The following SLC4A7 variants were observed in gnomAD, a reference collection of about 807,000 sequenced individuals.
SLC4A7 encodes sodium bicarbonate cotransporter 3.
A neutral mutation model predicts 137.6 loss-of-function variants in SLC4A7; 51 were observed. The ratio of observed to expected loss-of-function variants is 0.37; its 90% CI spans 0.30 to 0.47. The LOEUF (loss-of-function observed/expected upper bound fraction) is 0.47. Ranked by LOEUF, SLC4A7 falls within the 20% of genes least tolerant of loss-of-function variation. The probability of loss-of-function intolerance (pLI) is 1.00; values close to 1 mark genes in which losing one functional copy is unlikely to be tolerated. For synonymous variants in SLC4A7, 542 were observed against 518.6 expected (o/e 1.05, Z -0.61); for missense variants, 1,247 against 1,525.4 (o/e 0.82, Z 3.04).
At chr3:27,466,279 G>A (rs1368092701) in intron 1 of SLC4A7, among the ~76,000 whole-genome samples, 5 of 151,042 alleles carry the variant, frequency 3.3e-5, no homozygotes, top group Admixed American at 6.6e-5. Context: ...GTGAAACCCC[G>A]TCTCTACTAA....
At chr3:27,445,950 AAAAAAAAAAAAAAATATATATATAT>A (rs2057572509) in intron 3 of SLC4A7, among the ~76,000 whole-genome samples, 1 of 30,778 alleles carries the variant, frequency 3.2e-5, no homozygotes, top group Non-Finnish European at 7.0e-5. Context: ...AAAAAAAAAA[AAAAAAAAAAAAAAATATATATATAT>A]ATATATATAT....
intron 25 of SLC4A7, 63 bp downstream of exon 25, chr3:27,379,186 G>T: frequency 1.3e-6 from 1 of 776,322 alleles, no homozygotes; most frequent in Non-Finnish European, 2.2e-6. Flanking sequence ...AGAAAGGAAT[G>T]AAGCTATCAT....
chr3:27,398,205 T>C lies in SLC4A7; in HGVS notation c.2576A>G (p.Tyr859Cys), dbSNP rs186230162. Residue 859 changes from tyrosine to cysteine, a missense_variant, in exon 17 of 26, where the codon TAC becomes TGC. Transcript: ENST00000454389. Reference protein sequence around the residue: ...SFLKQFKTKRYFPTKVRSTIS... With the variant: ...SFLKQFKTKRCFPTKVRSTIS... ...TATCACAGTTACCTTGGTAGGAAAGTAACGCTTGGTCTTAAATTGCTTGAG... is the reference window on the plus strand; with the variant it reads ...TATCACAGTTACCTTGGTAGGAAAGCAACGCTTGGTCTTAAATTGCTTGAG... 1.9e-6 allele frequency: 3 copies of C among 1,609,122 alleles called. No homozygotes were observed. The East Asian group carries it at 6.7e-5, about 36-fold the overall frequency.
At chr3:27,405,342 A>G (rs1352688175) in intron 13 of SLC4A7, among the ~76,000 whole-genome samples, 1 of 151,868 alleles carries the variant, frequency 6.6e-6, no homozygotes, top group Admixed American at 6.6e-5. Context: ...GTATAATCCT[A>G]AAAAAAATCC....
chr3:27,445,959 A>G, intron 3 of SLC4A7, among the ~76,000 whole-genome samples: 1 of 21,784 alleles, frequency 4.6e-5, no homozygotes, highest in South Asian at 2.1e-3. Flanking sequence ...AAAAAAAAAA[A>G]AAAAATATAT....
chr3:27,466,158 A>T (rs2058983949), intron 1 of SLC4A7, among the ~76,000 whole-genome samples: 3 of 151,792 alleles, frequency 2.0e-5, no homozygotes, highest in Admixed American at 6.6e-5. Flanking sequence ...ATGACAGAAA[A>T]GGGGGTACAT....
rs181418321 is a variant in SLC4A7 at position 27,392,643 on chromosome 3, T to C, written c.3118-835A>G. 3.9e-3 allele frequency among the ~76,000 whole-genome samples: 591 copies of C among 152,074 alleles called. 6 individuals carry two copies. Among genetic ancestry groups the C allele is most frequent in the African/African-American group, 0.014 (573 of 41,490 alleles). ...AAGTTCGAGACCAACCTGGCTAACA[T>C]AGCGAAACCATCATCTCTACCAAAA... is the stretch of plus-strand genomic sequence containing the variant. On this transcript the variant is annotated intron_variant, in intron 20 of 25. Coordinates refer to ENST00000454389, the MANE Select transcript of SLC4A7 (RefSeq NM_001321103.2).
intron 16 of SLC4A7, 78 bp from the exon 17 acceptor site, chr3:27,398,431 G>GT: frequency 8.0e-7 from 1 of 1,254,190 alleles, no homozygotes; most frequent in Non-Finnish European, 1.1e-6. Flanking sequence ...TCATTGACTC[G>GT]TAAGATGCAA....
intron 1 of SLC4A7, among the ~76,000 whole-genome samples, chr3:27,468,375 T>C (rs565415583): frequency 1.2e-4 from 18 of 152,330 alleles, no homozygotes; most frequent in Admixed American, 3.3e-4. Flanking sequence ...CATAAACATA[T>C]GCAATGCAAT....
rs2050594956 is a variant in SLC4A7 at position 27,383,167 on chromosome 3, C to T, written c.3576G>A (p.Lys1192=). 14 of 1,609,818 alleles carry T rather than the reference C, an allele frequency of 8.7e-6. No individual in the cohort carries two copies. The highest frequency in any genetic ancestry group is 2.2e-5 in the East Asian group (1 of 44,862). The change falls in exon 24 of 26, where the codon AAG becomes AAA. Residue 1192 remains lysine, a synonymous_variant. Coordinates refer to ENST00000454389, the MANE Select transcript of SLC4A7 (RefSeq NM_001321103.2). ...TCATATCTCACCTATATTTTAGGGC[C>T]TTGACTGGAATTTGCAAGAGACTTC... ...EGGSLLQIPV[K]ALKYSVDPSI... is the part of the protein sequence containing the mutation.
intron 15 of SLC4A7, among the ~76,000 whole-genome samples, chr3:27,402,585 T>A (rs6789539): frequency 0.21 from 32,121 of 151,788 alleles, 3,485 homozygotes; most frequent in Non-Finnish European, 0.25. Flanking sequence ...CTGTAATCCC[T>A]GCTACTGGTG....
At chr3:27,393,373 A>G (rs2051790567) in intron 20 of SLC4A7, among the ~76,000 whole-genome samples, 1 of 152,248 alleles carries the variant, frequency 6.6e-6, no homozygotes, top group African/African-American at 2.4e-5. Flanking sequence ...AACTATTTTG[A>G]ATATCTAACT....
intron 7 of SLC4A7, 52 bp from the exon 8 acceptor site, chr3:27,424,204 C>T (rs2055302878): frequency 2.3e-6 from 2 of 856,806 alleles, no homozygotes; most frequent in African/African-American, 1.7e-5. Flanking sequence ...CACTTTGCAA[C>T]CTGATTCTGC....
rs767078395 is a variant in SLC4A7, at chr3:27,420,761, G to T, written c.1451C>A (p.Ala484Glu). The T allele has an allele frequency of 1.9e-6, 3 of 1,612,770 alleles. No homozygotes were observed. Among genetic ancestry groups the T allele is most frequent in the East Asian group, 2.2e-5 (1 of 44,840 alleles). The change falls in exon 10 of 26, where the codon GCG (alanine) becomes GAG (glutamate). Residue 484 changes from alanine (A) to glutamate (E), a missense_variant. Coordinates refer to ENST00000454389, the MANE Select transcript of SLC4A7 (RefSeq NM_001321103.2). The part of the protein sequence containing the change: ...TRFLFLLLGP[A>E]GKAPQYHEIG... Reference sequence around the variant, plus strand: ...TTCATGGTACTGTGGTGCCTTGCCCGCTGGACCCAATAACAAAAACAAAAA... The same window carrying T: ...TTCATGGTACTGTGGTGCCTTGCCCTCTGGACCCAATAACAAAAACAAAAA...
At chr3:27,473,585 G>A (rs1365756443) in intron 1 of SLC4A7, among the ~76,000 whole-genome samples, 1 of 151,386 alleles carries the variant, frequency 6.6e-6, no homozygotes, top group Non-Finnish European at 1.5e-5. Flanking sequence ...GTGCGTGCCT[G>A]TAGTCCCAGC....
At chr3:27,438,575 CAAAATAACATAAAAT>C (rs1213432214) in intron 3 of SLC4A7, among the ~76,000 whole-genome samples, 2 of 148,532 alleles carry the variant, frequency 1.3e-5, no homozygotes, top group Non-Finnish European at 3.0e-5. Flanking sequence ...CATAAAATAA[CAAAATAACATAAAAT>C]AAAATAACAT....
intron 7 of SLC4A7, 110 bp from the exon 8 acceptor site, chr3:27,424,262 C>T (rs1576370365): frequency 5.4e-6 from 3 of 555,698 alleles, no homozygotes; most frequent in African/African-American, 3.9e-5. Flanking sequence ...AGCAAATGTG[C>T]AAGGTTAAAA....
intron 16 of SLC4A7, among the ~76,000 whole-genome samples, chr3:27,400,551 T>C (rs2052641764): frequency 6.6e-6 from 1 of 152,180 alleles, no homozygotes; most frequent in African/African-American, 2.4e-5. Flanking sequence ...TAATCCACCT[T>C]TATCTCTCGT....
chr3:27,434,220 T>G (rs2056552831), intron 5 of SLC4A7, 116 bp from the exon 6 acceptor site: 2 of 637,630 alleles, frequency 3.1e-6, no homozygotes, highest in South Asian at 2.5e-5. Context: ...CTAGAAAGTT[T>G]TATTCTGTCA....
Sources: gnomAD v4.1 joint callset for allele counts (sites outside exome capture counted in the v4.1 genomes callset) on GRCh38, gnomAD v4.1.1 for gene constraint, MANE v1.5 for transcripts, NCBI Gene and HGNC (gene_info 2026-07-23, HGNC 2026-07-21) for gene names.